Variants in DAB1 observed in about 807,000 individuals in gnomAD.
The protein encoded by DAB1 is DAB adaptor protein 1.
DAB1 carries 15 observed loss-of-function variants against 64.6 expected under a neutral mutation model. The ratio of observed to expected loss-of-function variants is 0.23; its 90% CI spans 0.16 to 0.36. The LOEUF is 0.36. DAB1 is among the 10% of genes least tolerant of loss of function. DAB1 has a pLI of 1.00. For missense variants in DAB1, 596 were observed against 706.7 expected, an observed-to-expected ratio of 0.84 and a Z score of 1.78; for synonymous variants, 235 against 251.9, an observed-to-expected ratio of 0.93 and a Z score of 0.64.
At chr1:57,737,462 T>C (rs1647750210) in intron 6 of DAB1, among the ~76,000 whole-genome samples, 1 of 152,204 alleles carries the variant, frequency 6.6e-6, no homozygotes, top group African/African-American at 2.4e-5. Context: ...AGTTTCCTCA[T>C]CTGTTAAATG....
intron 4 of DAB1, among the ~76,000 whole-genome samples, chr1:57,131,167 A>G (rs1040746995): frequency 6.6e-6 from 1 of 152,186 alleles, no homozygotes; most frequent in Non-Finnish European, 1.5e-5. Flanking sequence ...GAAACAAAAG[A>G]AAGAAAATAA....
At chr1:58,168,972 C>T (rs755865193) in intron 4 of DAB1, among the ~76,000 whole-genome samples, 1 of 152,136 alleles carries the variant, frequency 6.6e-6, no homozygotes, top group Non-Finnish European at 1.5e-5. Flanking sequence ...TGCAGGTTTT[C>T]GAGAATGCAT....
chr1:58,074,893 C>T (rs1239643144), intron 5 of DAB1, among the ~76,000 whole-genome samples: 6 of 152,098 alleles, frequency 3.9e-5, no homozygotes, highest in Non-Finnish European at 5.9e-5. Context: ...TGTCATCTAT[C>T]AGCTCACTCT....
At chr1:58,293,004 T>C (rs1254361816) in intron 4 of DAB1, among the ~76,000 whole-genome samples, 2 of 151,534 alleles carry the variant, frequency 1.3e-5, no homozygotes, top group Non-Finnish European at 1.5e-5. Flanking sequence ...TGAGGTGAAA[T>C]TGAGGTAGAG....
At position 57,046,245 on chromosome 1, in the gene DAB1, A is replaced by C. The variant is rs1648473271; in HGVS notation, c.723+16639T>G. On this transcript the variant is annotated intron_variant, in intron 9 of 14. Transcript: ENST00000371236. ...AGCAATGAAGCCTTTGGATTCCCTG[A>C]AGTAGATACAGCTTGCCAAGCACTA... Among the ~76,000 whole-genome samples the C allele has an allele frequency of 4.6e-5, 7 of 152,228 alleles. No homozygotes were observed. In the South Asian group the frequency reaches 1.2e-3, roughly 27 times the overall value.
intron 1 of DAB1, among the ~76,000 whole-genome samples, chr1:57,322,994 G>A (rs1168744062): frequency 4.0e-5 from 6 of 151,688 alleles, no homozygotes; most frequent in African/African-American, 4.8e-5. Flanking sequence ...TGAATGACTA[G>A]TGATCTGCTA....
chr1:57,761,412 C>CA (rs1394857094), intron 6 of DAB1, among the ~76,000 whole-genome samples: 1 of 151,958 alleles, frequency 6.6e-6, no homozygotes, highest in Non-Finnish European at 1.5e-5. Context: ...ATGCAGATAA[C>CA]AAAAAAATCA....
At chr1:58,056,394 G>A (rs767191941) in intron 5 of DAB1, 30 of 1,569,714 alleles carry the variant, frequency 1.9e-5, no homozygotes, top group Admixed American at 1.0e-4. Flanking sequence ...CCTTGGGCAC[G>A]CATCGGGCAC....
At chr1:58,148,903 A>G (rs1292664657) in intron 5 of DAB1, among the ~76,000 whole-genome samples, 7 of 152,160 alleles carry the variant, frequency 4.6e-5, no homozygotes, top group African/African-American at 1.2e-4. Flanking sequence ...CAATCATCAA[A>G]TAGACCATGA....
chr1:58,429,390 T>C (rs962152094), intron 3 of DAB1, among the ~76,000 whole-genome samples: 1 of 152,292 alleles, frequency 6.6e-6, no homozygotes, highest in South Asian at 2.1e-4. Flanking sequence ...CACTTCAACC[T>C]GCAGGAGTCC....
At chr1:57,292,866 C>T (rs1193525694) in intron 1 of DAB1, among the ~76,000 whole-genome samples, 2 of 152,054 alleles carry the variant, frequency 1.3e-5, no homozygotes, top group Non-Finnish European at 2.9e-5. Context: ...GGTATAAATA[C>T]CACGCACACT....
intron 4 of DAB1, among the ~76,000 whole-genome samples, chr1:58,300,638 G>GAC (rs1662133591): frequency 1.1e-4 from 7 of 61,844 alleles, no homozygotes; most frequent in African/African-American, 3.5e-4. Flanking sequence ...GAGAGAGAGA[G>GAC]AGAGAGAGAG....
At chr1:57,320,178 G>C (rs1200016874) in intron 1 of DAB1, among the ~76,000 whole-genome samples, 1 of 152,144 alleles carries the variant, frequency 6.6e-6, no homozygotes, top group East Asian at 1.9e-4. Context: ...TGTATTATGG[G>C]GGGTGCCAGC....
intron 7 of DAB1, among the ~76,000 whole-genome samples, chr1:57,509,716 C>T (rs1644386016): frequency 6.6e-6 from 1 of 152,154 alleles, no homozygotes; most frequent in African/African-American, 2.4e-5. Flanking sequence ...CATTTCTACC[C>T]CTATCAAAGG....
chr1:58,184,855 T>A (rs1387009432), intron 4 of DAB1, among the ~76,000 whole-genome samples: 1 of 152,180 alleles, frequency 6.6e-6, no homozygotes, highest in Non-Finnish European at 1.5e-5. Context: ...ATTTTGCCAC[T>A]CTGAAGGATA....
At chr1:57,696,812 C>A (rs1646850843) in intron 6 of DAB1, among the ~76,000 whole-genome samples, 1 of 152,160 alleles carries the variant, frequency 6.6e-6, no homozygotes, top group African/African-American at 2.4e-5. Context: ...CCTTTCATAT[C>A]ATCCTGGAAT....
chr1:57,313,247 C>T (rs893395776), intron 1 of DAB1, among the ~76,000 whole-genome samples: 1 of 152,052 alleles, frequency 6.6e-6, no homozygotes, highest in African/African-American at 2.4e-5. Context: ...CCTGCTTTGC[C>T]CATCTCTCCT....
intron 6 of DAB1, among the ~76,000 whole-genome samples, chr1:57,783,632 C>T (rs1361196683): frequency 2.0e-5 from 3 of 152,116 alleles, no homozygotes; most frequent in African/African-American, 7.2e-5. Flanking sequence ...TTTGTGGAAA[C>T]CCTGTGTTGA....
chr1:57,140,258 C>T (rs574655198), intron 3 of DAB1, among the ~76,000 whole-genome samples: 1 of 152,258 alleles, frequency 6.6e-6, no homozygotes, highest in African/African-American at 2.4e-5. Context: ...TCCTTGGGTG[C>T]CTATGCTAGA....
Sources: allele counts gnomAD v4.1 joint callset (sites outside exome capture counted in the v4.1 genomes callset), GRCh38; gene constraint gnomAD v4.1.1; transcripts MANE v1.5; gene names NCBI Gene and HGNC (gene_info 2026-07-23, HGNC 2026-07-21).